Variants in PDE12 observed in about 807,000 individuals in gnomAD.
PDE12 encodes phosphodiesterase 12, also known as 2',5'-phosphodiesterase 12.
In PDE12, 26 loss-of-function variants were observed where a neutral mutation model predicts 45.4. The ratio of observed to expected loss-of-function variants is 0.57; its 90% CI spans 0.42 to 0.79. PDE12 has a LOEUF of 0.79. PDE12 is among the 30% of genes least tolerant of loss of function. The pLI is 0.00. For missense variants in PDE12, 668 were observed against 790.0 expected (o/e 0.85, Z 1.85); for synonymous variants, 283 against 323.9 (o/e 0.87, Z 1.36).
chr3:57,589,591 G>A, the PDE12 span, among the ~76,000 whole-genome samples: 13 of 149,800 alleles, frequency 8.7e-5, no homozygotes, highest in East Asian at 6.0e-4. Context: ...GGTGGCTGGC[G>A]CCTGTAAACC....
the PDE12 span, among the ~76,000 whole-genome samples, chr3:57,629,466 A>C: frequency 6.6e-6 from 1 of 151,892 alleles, no homozygotes; most frequent in Non-Finnish European, 1.5e-5. Context: ...TTTAATTTAA[A>C]ATAGGCTGGT....
downstream of PDE12, among the ~76,000 whole-genome samples, chr3:57,570,500 GA>G (rs1271195181): frequency 6.6e-6 from 1 of 151,454 alleles, no homozygotes; most frequent in Non-Finnish European, 1.5e-5. Flanking sequence ...TTACAGGTGT[GA>G]GCCACCACGC....
chr3:57,606,482 G>A, the PDE12 span, among the ~76,000 whole-genome samples: 1 of 152,112 alleles, frequency 6.6e-6, no homozygotes, highest in Non-Finnish European at 1.5e-5. Context: ...AAATGTTAAA[G>A]GCAGTTTTTC....
the PDE12 span, among the ~76,000 whole-genome samples, chr3:57,621,543 G>A: frequency 2.6e-5 from 4 of 152,050 alleles, no homozygotes; most frequent in East Asian, 3.9e-4. Flanking sequence ...GGTGGTGCAC[G>A]CCTGTAATCC....
the PDE12 span, among the ~76,000 whole-genome samples, chr3:57,619,220 T>C: frequency 6.6e-5 from 10 of 151,522 alleles, no homozygotes; most frequent in Non-Finnish European, 1.5e-4. Flanking sequence ...TGGTGGCGGG[T>C]GCCTGTAGTC....
the PDE12 span, among the ~76,000 whole-genome samples, chr3:57,574,408 A>T: frequency 2.1e-5 from 3 of 145,262 alleles, no homozygotes; most frequent in Non-Finnish European, 4.5e-5. Flanking sequence ...AGAAGTACAA[A>T]TTTTTTTTTT....
the PDE12 span, among the ~76,000 whole-genome samples, chr3:57,617,000 G>A: frequency 6.6e-5 from 10 of 151,996 alleles, no homozygotes; most frequent in African/African-American, 2.4e-4. Context: ...CTCCAGCCTG[G>A]GTGACAGAGC....
chr3:57,654,518 A>T, the PDE12 span: 1 of 593,986 alleles, frequency 1.7e-6, no homozygotes, highest in African/African-American at 2.0e-5. Context: ...AGGTGGCAGG[A>T]GGTGATAACT....
chr3:57,596,725 A>G, the PDE12 span: 1 of 276,250 alleles, frequency 3.6e-6, no homozygotes, highest in Non-Finnish European at 7.1e-6. Context: ...AGGTATGCAG[A>G]TCGCACCCCC....
At chr3:57,614,537 GTTTTTTGT>G in the PDE12 span, among the ~76,000 whole-genome samples, 3 of 95,060 alleles carry the variant, frequency 3.2e-5, no homozygotes, top group Non-Finnish European at 6.7e-5. Context: ...TTTTTTTTTT[GTTTTTTGT>G]TTTTTTTTTT....
chr3:57,612,219 C>T, the PDE12 span, among the ~76,000 whole-genome samples: 3 of 125,682 alleles, frequency 2.4e-5, no homozygotes, highest in Non-Finnish European at 4.7e-5. Context: ...GGAAGGGGAA[C>T]ATCACACACC....
chr3:57,602,293 C>T, the PDE12 span, among the ~76,000 whole-genome samples: 1 of 152,130 alleles, frequency 6.6e-6, no homozygotes, highest in Non-Finnish European at 1.5e-5. Context: ...CCATTTCCTC[C>T]TAACCTTTGT....
At chr3:57,654,969 A>T in the PDE12 span, 1 of 222,772 alleles carries the variant, frequency 4.5e-6, no homozygotes, top group South Asian at 1.6e-4. Context: ...TAAATGCTTG[A>T]TATAATACTA....
rs1243433126 is a variant in PDE12, at chr3:57,556,470, G to GC, written c.92dup (p.Ala32GlyfsTer26). Reference sequence around the variant, plus strand: ...CCGGGCTGAAGCGGGGAGCCAGACAGCGGCGGGAGCGATGGAGCGCGCTGT... The same window carrying GC: ...CCGGGCTGAAGCGGGGAGCCAGACAGCCGGCGGGAGCGATGGAGCGCGCTGT... On this transcript the variant is annotated frameshift_variant, in exon 1 of 3. Coordinates refer to ENST00000311180, the MANE Select transcript of PDE12 (RefSeq NM_177966.7). LOFTEE classifies it high-confidence loss of function. The surrounding 1 kb of genome is among the most constrained non-coding windows in gnomAD (Gnocchi z 5.0). The GC allele has an allele frequency of 6.2e-7, 1 of 1,611,698 alleles. No individual in the cohort carries two copies. Among genetic ancestry groups the GC allele is most frequent in the South Asian group, 1.1e-5 (1 of 91,060 alleles).
the PDE12 span, among the ~76,000 whole-genome samples, chr3:57,576,526 T>G: frequency 7.2e-6 from 1 of 138,346 alleles, no homozygotes; most frequent in African/African-American, 2.7e-5. Context: ...TTTTTTTTTT[T>G]GAAGAGGGAA....
chr3:57,598,577 C>G, the PDE12 span, among the ~76,000 whole-genome samples: 41 of 152,032 alleles, frequency 2.7e-4, 1 homozygote, highest in African/African-American at 9.9e-4. Context: ...GTCAGGAGAT[C>G]GAGACCATCC....
the PDE12 span, among the ~76,000 whole-genome samples, chr3:57,583,065 GCCCTCC>G: frequency 6.6e-6 from 1 of 152,114 alleles, no homozygotes; most frequent in African/African-American, 2.4e-5. Context: ...TGCATAGAGA[GCCCTCC>G]CCATACCCAA....
the PDE12 span, among the ~76,000 whole-genome samples, chr3:57,581,496 A>G: frequency 2.0e-5 from 3 of 152,182 alleles, no homozygotes; most frequent in Non-Finnish European, 4.4e-5. Flanking sequence ...TTTACTTCAT[A>G]TCTAACTCTT....
the PDE12 span, among the ~76,000 whole-genome samples, chr3:57,639,975 A>C: frequency 9.8e-5 from 15 of 152,296 alleles, no homozygotes; most frequent in African/African-American, 3.6e-4. Context: ...AACAAGTTTT[A>C]AAAGTAGTGG....
Sources: allele counts gnomAD v4.1 joint callset (sites outside exome capture counted in the v4.1 genomes callset), GRCh38; gene constraint gnomAD v4.1.1; non-coding constraint Gnocchi (gnomAD v3.1); transcripts MANE v1.5; gene names NCBI Gene and HGNC (gene_info 2026-07-23, HGNC 2026-07-21).